The following TOP2B variants were observed in gnomAD, a reference collection of about 807,000 sequenced individuals.
TOP2B encodes the protein DNA topoisomerase 2-beta.
Under a neutral mutation model 193.5 loss-of-function variants are expected in TOP2B, and 51 were observed. The ratio of observed to expected loss-of-function variants is 0.26; its 90% CI spans 0.21 to 0.33. The LOEUF (loss-of-function observed/expected upper bound fraction) is 0.33, where lower values mean the gene tolerates loss of function less well. Among genes scored for constraint, TOP2B ranks in the 10% least tolerant of loss-of-function variants. The pLI, the probability that TOP2B is intolerant of heterozygous loss-of-function variation, is 1.00. For missense variants in TOP2B, 1,378 were observed against 1,909.3 expected, an observed-to-expected ratio of 0.72 and a Z score of 5.19; for synonymous variants, 634 against 635.7, an observed-to-expected ratio of 1.00 and a Z score of 0.04.
intron 25 of TOP2B, among the ~76,000 whole-genome samples, chr3:25,617,665 C>CA (rs1316704148): frequency 6.6e-6 from 1 of 152,072 alleles, no homozygotes; most frequent in Non-Finnish European, 1.5e-5. Flanking sequence ...ATCTAATACC[C>CA]AAAAAATTAA....
intron 16 of TOP2B, 59 bp from the exon 17 acceptor site, chr3:25,626,923 A>T: frequency 9.5e-7 from 1 of 1,050,232 alleles, no homozygotes; most frequent in Non-Finnish European, 1.4e-6. Flanking sequence ...TTATTACAAA[A>T]TTAAAATGTA....
intron 18 of TOP2B, chr3:25,625,070 C>T: frequency 3.8e-6 from 1 of 261,710 alleles, no homozygotes; most frequent in Non-Finnish European, 7.3e-6. Flanking sequence ...AACATTCTGG[C>T]CTTAAAGAAT....
chr3:25,637,077 T>C, intron 6 of TOP2B, 138 bp downstream of exon 6: 1 of 654,890 alleles, frequency 1.5e-6, no homozygotes, highest in Admixed American at 2.9e-5. Flanking sequence ...TTTACTCTGA[T>C]GATTTGACTT....
rs985906824 is a variant in TOP2B, at chr3:25,598,034, G to A, written c.*273C>T. On this transcript the variant is annotated 3_prime_UTR_variant, in exon 36 of 36. Transcript: ENST00000264331. ...TTTCATTTCAAAAAGCAGGTCTGTA[G>A]TTTGTAACCATGACAATTAAAATCT... 10 of 237,758 alleles carry A rather than the reference G, an allele frequency of 4.2e-5. No individual in the cohort carries two copies. Among genetic ancestry groups the A allele is most frequent in the Non-Finnish European group, 6.4e-5 (8 of 124,286 alleles). The allele number at this position is 237,758 out of a possible 1,614,324, so 14.7% of individuals were successfully genotyped here. A position where few individuals can be genotyped will look rare whatever the true frequency, so the allele number is the denominator to read the frequency against.
At chr3:25,638,071 T>G in intron 5 of TOP2B, 94 bp downstream of exon 5, 1 of 1,147,404 alleles carries the variant, frequency 8.7e-7, no homozygotes, top group Non-Finnish European at 1.2e-6. Context: ...GACAATGATT[T>G]TCTCACACCA....
At chr3:25,628,481 T>C (rs1274517574) in intron 15 of TOP2B, among the ~76,000 whole-genome samples, 6 of 152,054 alleles carry the variant, frequency 3.9e-5, no homozygotes, top group African/African-American at 7.2e-5. Context: ...GTCTCAACAA[T>C]AGGATATTAA....
At chr3:25,610,716 A>G (rs1259714546) in intron 28 of TOP2B, among the ~76,000 whole-genome samples, 1 of 152,246 alleles carries the variant, frequency 6.6e-6, no homozygotes, top group Non-Finnish European at 1.5e-5. Context: ...CCTAACAATC[A>G]GACTGACTTT....
At chr3:25,660,554 A>G (rs73054065) in intron 1 of TOP2B, among the ~76,000 whole-genome samples, 54,554 of 152,084 alleles carry the variant, frequency 0.36, 10,520 homozygotes, top group African/African-American at 0.5. Context: ...AAGTAATTCC[A>G]GATGGAAGGC....
chr3:25,644,712 G>A (rs1431411622), intron 2 of TOP2B, among the ~76,000 whole-genome samples: 1 of 151,554 alleles, frequency 6.6e-6, no homozygotes, highest in African/African-American at 2.4e-5. Context: ...GGGGGCATCA[G>A]GGGGTGATGG....
intron 1 of TOP2B, among the ~76,000 whole-genome samples, chr3:25,658,803 C>A (rs1310510089): frequency 6.6e-6 from 1 of 152,054 alleles, no homozygotes; most frequent in African/African-American, 2.4e-5. Context: ...TCCAGTAAAA[C>A]TTCCTATTTT....
chr3:25,628,096 T>TA lies in TOP2B; in HGVS notation c.1906+750dup, dbSNP rs1206682411. On this transcript the variant is annotated intron_variant, in intron 15 of 35. Transcript: ENST00000264331. ...AAAAAAAACGAAATAAAAATAAAAA[T>TA]AAAAAACTCTAAAAATAAACAATTT... is the stretch of plus-strand genomic sequence containing the variant. Among the ~76,000 whole-genome samples the TA allele has an allele frequency of 5.3e-5, 6 of 114,272 alleles. No individual in the cohort carries two copies. In the South Asian group the frequency reaches 8.2e-4, roughly 16 times the overall value. 75.0% of individuals were successfully genotyped at this position (114,272 alleles called of 152,430 possible).
intron 1 of TOP2B, 43 bp downstream of exon 1, chr3:25,664,186 C>A (rs1471683179): frequency 6.5e-7 from 1 of 1,537,572 alleles, no homozygotes; most frequent in Admixed American, 2.0e-5. Context: ...CCGCCGCGGG[C>A]CCGGAACAAT....
In TOP2B at chr3:25,598,297, C is replaced by A; in HGVS notation, c.*10G>T. The A allele has an allele frequency of 1.3e-6, 2 of 1,596,822 alleles. No homozygotes were observed. The highest frequency in any genetic ancestry group is 1.7e-6 in the Non-Finnish European group (2 of 1,169,688). ...ATATTTGTTGAAAAATGTTTGTGCTCTTTGGGCACTTAATTAAACATTGCA... is the reference window on the plus strand; with the variant it reads ...ATATTTGTTGAAAAATGTTTGTGCTATTTGGGCACTTAATTAAACATTGCA... On this transcript the variant is annotated 3_prime_UTR_variant, in exon 36 of 36. Transcript: ENST00000264331.
chr3:25,644,918 C>T (rs886526888), intron 2 of TOP2B, among the ~76,000 whole-genome samples: 8 of 151,836 alleles, frequency 5.3e-5, no homozygotes, highest in African/African-American at 1.9e-4. Context: ...GTCTCAGGCT[C>T]CTGAGTAGCT....
Position 25,645,297 on chromosome 3 carries a change from T to A in TOP2B, c.240+3A>T. ...AATTTCAATCAATTTTAGCAATAAT[T>A]ACCTGCGTCAATGGCTCCACTGACC... On this transcript the variant is annotated splice_donor_region_variant and intron_variant, in intron 2 of 35. Transcript: ENST00000264331. The A allele has an allele frequency of 6.5e-7, 1 of 1,534,604 alleles. No homozygotes were observed. Among genetic ancestry groups the A allele is most frequent in the Non-Finnish European group, 8.8e-7 (1 of 1,137,308 alleles).
chr3:25,664,215 G>T lies in TOP2B; in HGVS notation c.69+14C>A, dbSNP rs1225790964. 3.2e-6 allele frequency: 5 copies of T among 1,539,372 alleles called. No individual in the cohort carries two copies. The highest frequency in any genetic ancestry group is 4.4e-6 in the Non-Finnish European group (5 of 1,146,188). ...GAACAATGCAGCCGCCCGTCCCGGG[G>T]ACCAGCCACTTACCACCCAGGTCAG... On this transcript the variant is annotated intron_variant, in intron 1 of 35. Transcript: ENST00000264331.
At position 25,598,321 on chromosome 3, in the gene TOP2B, C is replaced by T. The variant is rs1332091071; in HGVS notation, c.4867G>A (p.Ala1623Thr). 2 of 1,608,248 alleles carry T rather than the reference C, an allele frequency of 1.2e-6. No homozygotes were observed. The highest frequency in any genetic ancestry group is 1.7e-6 in the Non-Finnish European group (2 of 1,177,072). The stretch of plus-strand genomic sequence containing the variant: ...TCTTTGGGCACTTAATTAAACATTG[C>T]AAAATCAACATCATCTTCTTCTTCA... ...SDEEEDDVDF[A>T]MFN The change falls in exon 36 of 36, where the codon GCA becomes ACA. Residue 1623 changes from alanine (A) to threonine (T), a missense_variant. Ala to Thr is a moderately conservative substitution (Grantham distance 58). Around this residue, in one of 9 missense-constraint regions of TOP2B, gnomAD observed 556 missense variants for 584.2 expected, o/e 0.95. Coordinates refer to ENST00000264331, the MANE Select transcript of TOP2B (RefSeq NM_001330700.2).
At chr3:25,623,454 CG>C in intron 21 of TOP2B, 60 bp downstream of exon 21, 2 of 1,442,472 alleles carry the variant, frequency 1.4e-6, no homozygotes, top group Non-Finnish European at 9.6e-7. Context: ...TCTAAAATGA[CG>C]GGAATTTGTA....
intron 15 of TOP2B, among the ~76,000 whole-genome samples, chr3:25,627,581 A>G (rs1702839140): frequency 6.6e-6 from 1 of 152,246 alleles, no homozygotes; most frequent in African/African-American, 2.4e-5. Context: ...AAAGGAAAAT[A>G]CTATATATTA....
Sources: gnomAD v4.1 joint callset for allele counts (sites outside exome capture counted in the v4.1 genomes callset) on GRCh38, gnomAD v4.1.1 for gene constraint, gnomAD v4.1.1 regional missense constraint, MANE v1.5 for transcripts, NCBI Gene and HGNC (gene_info 2026-07-23, HGNC 2026-07-21) for gene names.